TGFBR3: variants seen among roughly 807,000 people sequenced by gnomAD.
TGFBR3 encodes the protein transforming growth factor beta receptor 3.
TGFBR3 carries 46 observed loss-of-function variants against 87.9 expected under a neutral mutation model. The observed-to-expected ratio is 0.52, with a 90% CI of 0.41 to 0.67. The LOEUF (loss-of-function observed/expected upper bound fraction) is 0.67, where lower values mean the gene tolerates loss of function less well. TGFBR3 is among the 30% of genes least tolerant of loss of function. TGFBR3 has a pLI of 0.00. For missense variants in TGFBR3, 866 were observed against 1,041.9 expected (o/e 0.83, Z 2.32); for synonymous variants, 381 against 391.6 (o/e 0.97, Z 0.32).
At chr1:91,891,889 T>C (rs1379057131) in intron 2 of TGFBR3, among the ~76,000 whole-genome samples, 1 of 152,230 alleles carries the variant, frequency 6.6e-6, no homozygotes, top group African/African-American at 2.4e-5. Flanking sequence ...CCACATTTTC[T>C]ATATCTATCT....
intron 2 of TGFBR3, among the ~76,000 whole-genome samples, chr1:91,899,032 A>G (rs747679215): frequency 6.6e-6 from 1 of 152,298 alleles, no homozygotes; most frequent in South Asian, 2.1e-4. Flanking sequence ...CAGTTTCTAG[A>G]CAGAGCAAAT....
At chr1:91,741,874 C>G (rs1673171366) in intron 4 of TGFBR3, among the ~76,000 whole-genome samples, 1 of 152,170 alleles carries the variant, frequency 6.6e-6, no homozygotes, top group African/African-American at 2.4e-5. Context: ...CCCTCCTCCA[C>G]ACTGTCACCT....
intron 4 of TGFBR3, among the ~76,000 whole-genome samples, chr1:91,735,873 A>G (rs546010181): frequency 6.6e-5 from 10 of 152,326 alleles, no homozygotes; most frequent in African/African-American, 2.2e-4. Context: ...AATGTGGGCA[A>G]GAAGGCTCAC....
intron 3 of TGFBR3, among the ~76,000 whole-genome samples, chr1:91,773,595 T>C (rs759790712): frequency 2.0e-5 from 3 of 152,258 alleles, no homozygotes; most frequent in South Asian, 2.1e-4. Context: ...GCAGGGAGAA[T>C]TGCATGAATG....
intron 2 of TGFBR3, among the ~76,000 whole-genome samples, chr1:91,798,940 G>C (rs966242792): frequency 6.6e-6 from 1 of 152,090 alleles, no homozygotes; most frequent in African/African-American, 2.4e-5. Context: ...ACATACCCAG[G>C]GGAAGAAGGA....
intron 2 of TGFBR3, among the ~76,000 whole-genome samples, chr1:91,841,889 A>T (rs1677302017): frequency 6.6e-6 from 1 of 151,382 alleles, no homozygotes; most frequent in South Asian, 2.1e-4. Context: ...GCTTGAGTTC[A>T]GGAGTTCGAG....
intron 4 of TGFBR3, among the ~76,000 whole-genome samples, chr1:91,750,592 C>G (rs1406231983): frequency 6.6e-6 from 1 of 152,156 alleles, no homozygotes; most frequent in East Asian, 1.9e-4. Context: ...GAATATCCCA[C>G]AGGACACAAT....
Position 91,705,225 on chromosome 1 carries a change from CTTTTTTT to C in TGFBR3, c.2287+3431_2287+3437del, listed in dbSNP as rs35620891. ...TAGGCAAATGGTCACAGTCTCTTTT[CTTTTTTT>C]TTTTTTTTTTGAGACAGAGTTTTGC... On this transcript the variant is annotated intron_variant, in intron 14 of 16. Coordinates refer to ENST00000212355, the MANE Select transcript of TGFBR3 (RefSeq NM_003243.5). Among the ~76,000 whole-genome samples, 3 of 135,932 alleles carry C rather than the reference CTTTTTTT, an allele frequency of 2.2e-5. No homozygotes were observed. The Admixed American group carries it at 2.2e-4, about 10-fold the overall frequency. 89.2% of individuals were successfully genotyped at this position (135,932 alleles called of 152,430 possible). A position where few individuals can be genotyped will look rare whatever the true frequency, so the allele number is the denominator to read the frequency against.
intron 14 of TGFBR3, among the ~76,000 whole-genome samples, chr1:91,699,431 CTT>C (rs60223260): frequency 1.7e-4 from 14 of 80,838 alleles, no homozygotes; most frequent in African/African-American, 2.0e-4. Context: ...CTTTCTTTTG[CTT>C]TTTTTTTTTT....
chr1:91,707,690 T>C (rs1235882623), intron 14 of TGFBR3, among the ~76,000 whole-genome samples: 1 of 152,186 alleles, frequency 6.6e-6, no homozygotes, highest in African/African-American at 2.4e-5. Flanking sequence ...TCCTGAAATA[T>C]CTAACCCCGC....
intron 4 of TGFBR3, among the ~76,000 whole-genome samples, chr1:91,751,151 GTT>G (rs564614333): frequency 1.3e-5 from 2 of 152,024 alleles, no homozygotes; most frequent in Non-Finnish European, 2.9e-5. Flanking sequence ...CTAATTCTGT[GTT>G]TTTTTCTAAA....
At chr1:91,841,486 A>G (rs1221077205) in intron 2 of TGFBR3, among the ~76,000 whole-genome samples, 1 of 152,012 alleles carries the variant, frequency 6.6e-6, no homozygotes, top group Non-Finnish European at 1.5e-5. Flanking sequence ...GTGTTAACCC[A>G]ATCTTGGAAT....
intron 3 of TGFBR3, among the ~76,000 whole-genome samples, chr1:91,775,499 C>T (rs778011798): frequency 6.6e-6 from 1 of 152,220 alleles, no homozygotes; most frequent in Non-Finnish European, 1.5e-5. Context: ...TTCAAGCACG[C>T]TTCCTCTAAG....
intron 1 of TGFBR3, among the ~76,000 whole-genome samples, chr1:91,867,036 G>C (rs188352809): frequency 1.3e-5 from 2 of 152,198 alleles, no homozygotes; most frequent in African/African-American, 4.8e-5. Flanking sequence ...GATCAGAATG[G>C]AGCCTCAGTT....
chr1:91,804,429 C>T (rs1406267498), intron 2 of TGFBR3, among the ~76,000 whole-genome samples: 1 of 152,192 alleles, frequency 6.6e-6, no homozygotes, highest in African/African-American at 2.4e-5. Context: ...CAGGCCCTAG[C>T]CTTCCTGTCC....
chr1:91,902,271 T>TTTTTGTG (rs534984244), intron 1 of TGFBR3, among the ~76,000 whole-genome samples: 20 of 148,250 alleles, frequency 1.3e-4, no homozygotes, highest in East Asian at 1.0e-3. Flanking sequence ...TCCTTTTCTT[T>TTTTTGTG]TGTGTGTGTG....
rs1235128046 is a variant in TGFBR3, at chr1:91,850,354, C to T, written c.61+11117G>A. On this transcript the variant is annotated intron_variant, in intron 2 of 16. Coordinates refer to ENST00000212355, the MANE Select transcript of TGFBR3 (RefSeq NM_003243.5). Reference sequence around the variant, plus strand: ...CGGGCAGGAGCTATAGAGCATTTTGCTTCACCATGTAGTATTATAACTTTA... The same window carrying T: ...CGGGCAGGAGCTATAGAGCATTTTGTTTCACCATGTAGTATTATAACTTTA... 5.9e-5 allele frequency among the ~76,000 whole-genome samples: 9 copies of T among 152,286 alleles called. No homozygotes were observed. In the East Asian group the frequency reaches 1.7e-3, roughly 29 times the overall value.
chr1:91,691,090 T>A, intron 16 of TGFBR3, among the ~76,000 whole-genome samples: 1 of 151,176 alleles, frequency 6.6e-6, no homozygotes, highest in Non-Finnish European at 1.5e-5. Context: ...AGTAAAAAAC[T>A]GAAAGATAAA....
chr1:91,884,727 A>C (rs1679227682), intron 1 of TGFBR3, among the ~76,000 whole-genome samples: 1 of 152,260 alleles, frequency 6.6e-6, no homozygotes, highest in Non-Finnish European at 1.5e-5. Flanking sequence ...AAGTGCACAC[A>C]GTATGGGCTT....
Sources: gnomAD v4.1 joint callset for allele counts (sites outside exome capture counted in the v4.1 genomes callset) on GRCh38, gnomAD v4.1.1 for gene constraint, MANE v1.5 for transcripts, NCBI Gene and HGNC (gene_info 2026-07-23, HGNC 2026-07-21) for gene names.